The following FOXP2 variants were observed in gnomAD, a reference collection of about 807,000 sequenced individuals.
FOXP2 encodes the protein forkhead box protein P2.
Under a neutral mutation model 115.8 loss-of-function variants are expected in FOXP2, and 12 were observed. The observed-to-expected ratio is 0.10, with a 90% CI of 0.07 to 0.17. The LOEUF is 0.17. Among genes scored for constraint, FOXP2 ranks in the 10% least tolerant of loss-of-function variants. FOXP2 has a pLI of 1.00. For missense variants in FOXP2, 629 were observed against 843.5 expected (o/e 0.75, Z 3.15); for synonymous variants, 328 against 297.7 (o/e 1.10, Z -1.05).
In FOXP2 at chr7:114,693,018, C is replaced by G. The variant is rs1203619482; in HGVS notation, c.*3092C>G. Reference sequence around the variant, plus strand: ...GGATTTGAAAGAAAACTGTCTACCTCTAACACCAGGGAGTTATCAGATTTT... The same window carrying G: ...GGATTTGAAAGAAAACTGTCTACCTGTAACACCAGGGAGTTATCAGATTTT... On this transcript the variant is annotated 3_prime_UTR_variant, in exon 17 of 17. Transcript: ENST00000350908. 1 of 453,900 alleles carries G rather than the reference C, an allele frequency of 2.2e-6. No homozygotes were observed. The highest frequency in any genetic ancestry group is 4.4e-6 in the Non-Finnish European group (1 of 226,668). 28.1% of individuals were successfully genotyped at this position (453,900 alleles called of 1,614,324 possible).
intron 1 of FOXP2, among the ~76,000 whole-genome samples, chr7:114,094,340 A>G (rs1253544661): frequency 6.6e-6 from 1 of 152,226 alleles, no homozygotes; most frequent in Middle Eastern, 3.2e-3. Context: ...AAATATTTTC[A>G]TATAAGCATA....
rs1399665730 is a variant in FOXP2 at position 114,693,628 on chromosome 7, G to A, written c.*3702G>A. ...GCATATCTTACTTAGCAAAAAAGAA[G>A]GATGTACATTTTACTATAGAATTAA... On this transcript the variant is annotated 3_prime_UTR_variant, in exon 17 of 17. Transcript: ENST00000350908. The A allele has an allele frequency of 2.2e-6, 1 of 448,102 alleles. No homozygotes were observed. Among genetic ancestry groups the A allele is most frequent in the Middle Eastern group, 7.1e-4 (1 of 1,404 alleles). The allele number at this position is 448,102 out of a possible 1,614,324, so 27.8% of individuals were successfully genotyped here.
At chr7:114,263,102 C>G (rs1222084496) in intron 1 of FOXP2, among the ~76,000 whole-genome samples, 1 of 152,176 alleles carries the variant, frequency 6.6e-6, no homozygotes, top group Admixed American at 6.5e-5. Flanking sequence ...CTCCCAGCTT[C>G]CCTGAAACCT....
chr7:114,357,357 A>G (rs1337268013), intron 2 of FOXP2, among the ~76,000 whole-genome samples: 1 of 152,182 alleles, frequency 6.6e-6, no homozygotes, highest in Admixed American at 6.6e-5. Context: ...ATATTAATGG[A>G]GACGTATTGA....
At position 114,689,152 on chromosome 7, in the gene FOXP2, T is replaced by G. The variant is rs754824103; in HGVS notation, c.2004-630T>G. On this transcript the variant is annotated intron_variant, in intron 16 of 16. Coordinates refer to ENST00000350908, the MANE Select transcript of FOXP2 (RefSeq NM_014491.4). ...AATTATATTGCTGTGGCTGGTGTATTCATGACAAAATTTTAATTACATAAT... is the reference window on the plus strand; with the variant it reads ...AATTATATTGCTGTGGCTGGTGTATGCATGACAAAATTTTAATTACATAAT... Among the ~76,000 whole-genome samples the G allele has an allele frequency of 6.0e-4, 92 of 152,154 alleles. 1 individual carries two copies. Among genetic ancestry groups the G allele is most frequent in the Non-Finnish European group, 5.9e-5 (4 of 68,014 alleles).
intron 1 of FOXP2, among the ~76,000 whole-genome samples, chr7:114,112,209 T>C (rs1791287195): frequency 6.6e-6 from 1 of 152,166 alleles, no homozygotes; most frequent in Non-Finnish European, 1.5e-5. Flanking sequence ...AGTGCTCACA[T>C]ACTGGAAATA....
chr7:114,228,555 A>T (rs1372141751), intron 1 of FOXP2, among the ~76,000 whole-genome samples: 1 of 151,956 alleles, frequency 6.6e-6, no homozygotes, highest in African/African-American at 2.4e-5. Flanking sequence ...GCTTAAAGAA[A>T]TTGCAGCATG....
chr7:114,103,769 A>T (rs1037151413), intron 1 of FOXP2, among the ~76,000 whole-genome samples: 1 of 152,062 alleles, frequency 6.6e-6, no homozygotes, highest in African/African-American at 2.4e-5. Context: ...ATTGAACAAA[A>T]TAATTTCATT....
At chr7:114,663,836 G>A (rs2129342662) in intron 15 of FOXP2, among the ~76,000 whole-genome samples, 1 of 152,260 alleles carries the variant, frequency 6.6e-6, no homozygotes, top group South Asian at 2.1e-4. Context: ...TCACATCATA[G>A]TGTTGGGGAA....
intron 1 of FOXP2, among the ~76,000 whole-genome samples, chr7:114,231,505 A>G (rs891687527): frequency 2.0e-5 from 3 of 152,174 alleles, no homozygotes; most frequent in East Asian, 1.9e-4. Context: ...TCAAAACAGT[A>G]TGGTACTGGC....
chr7:114,465,582 A>C (rs577427314), intron 2 of FOXP2, among the ~76,000 whole-genome samples: 1 of 152,346 alleles, frequency 6.6e-6, no homozygotes, highest in African/African-American at 2.4e-5. Flanking sequence ...TTAGTAAACC[A>C]CCTATTAAAA....
chr7:114,513,359 A>G (rs1798168683), intron 2 of FOXP2, among the ~76,000 whole-genome samples: 1 of 152,184 alleles, frequency 6.6e-6, no homozygotes, highest in Non-Finnish European at 1.5e-5. Flanking sequence ...AATACAGATG[A>G]CTATAATTAG....
intron 1 of FOXP2, among the ~76,000 whole-genome samples, chr7:114,152,256 A>G (rs1364391730): frequency 6.6e-6 from 1 of 152,152 alleles, no homozygotes; most frequent in African/African-American, 2.4e-5. Flanking sequence ...TTTACATGTC[A>G]ACATTCTAAT....
intron 2 of FOXP2, among the ~76,000 whole-genome samples, chr7:114,492,068 A>G (rs1797084778): frequency 6.6e-6 from 1 of 152,154 alleles, no homozygotes; most frequent in Admixed American, 6.5e-5. Context: ...GTAAGCTATT[A>G]ATTATTGCCT....
At chr7:114,383,393 C>A (rs912262598) in intron 2 of FOXP2, among the ~76,000 whole-genome samples, 1 of 152,028 alleles carries the variant, frequency 6.6e-6, no homozygotes, top group African/African-American at 2.4e-5. Context: ...TGTTTATCTC[C>A]TTTTGGACCG....
chr7:114,149,951 G>A (rs547631388), intron 1 of FOXP2, among the ~76,000 whole-genome samples: 9 of 152,060 alleles, frequency 5.9e-5, no homozygotes, highest in African/African-American at 2.2e-4. Flanking sequence ...ATTATCAGCA[G>A]CATCTTTAAA....
chr7:114,431,134 A>G (rs958822597), intron 2 of FOXP2, among the ~76,000 whole-genome samples: 3 of 151,970 alleles, frequency 2.0e-5, no homozygotes, highest in Non-Finnish European at 4.4e-5. Flanking sequence ...GAAAGCATTT[A>G]CTGAAGAAAT....
chr7:114,173,988 G>GA (rs888233700), intron 1 of FOXP2, among the ~76,000 whole-genome samples: 22 of 149,318 alleles, frequency 1.5e-4, no homozygotes, highest in Admixed American at 3.3e-4. Flanking sequence ...TTTTGCATGT[G>GA]AAAAAAAAAT....
intron 1 of FOXP2, among the ~76,000 whole-genome samples, chr7:114,092,271 C>T (rs1470017254): frequency 6.6e-6 from 1 of 151,790 alleles, no homozygotes; most frequent in East Asian, 1.9e-4. Flanking sequence ...GAAGATTTTT[C>T]TAATGGAAGT....
Sources: gnomAD v4.1 joint callset for allele counts (sites outside exome capture counted in the v4.1 genomes callset) on GRCh38, gnomAD v4.1.1 for gene constraint, MANE v1.5 for transcripts, NCBI Gene and HGNC (gene_info 2026-07-23, HGNC 2026-07-21) for gene names.